Variants in TAFA1 observed in about 807,000 individuals in gnomAD.
TAFA1 encodes the protein TAFA chemokine like family member 1.
A neutral mutation model predicts 18.5 loss-of-function variants in TAFA1; 4 were observed. The ratio of observed to expected loss-of-function variants is 0.22; its 90% confidence interval spans 0.11 to 0.49. The LOEUF is 0.49. Among genes scored for constraint, TAFA1 ranks in the 20% least tolerant of loss-of-function variants. The pLI is 0.98. For missense variants in TAFA1, 147 were observed against 169.0 expected, an observed-to-expected ratio of 0.87 and a Z score of 0.72; for synonymous variants, 56 against 55.2, an observed-to-expected ratio of 1.01 and a Z score of -0.06.
At chr3:68,151,111 C>A (rs964311399) in intron 2 of TAFA1, among the ~76,000 whole-genome samples, 3 of 152,052 alleles carry the variant, frequency 2.0e-5, no homozygotes, top group Admixed American at 1.3e-4. Flanking sequence ...GCCACATAGA[C>A]TTATACCTCA....
chr3:68,251,307 C>A (rs1202666858), intron 2 of TAFA1, among the ~76,000 whole-genome samples: 2 of 152,128 alleles, frequency 1.3e-5, no homozygotes, highest in Non-Finnish European at 2.9e-5. Flanking sequence ...ATTTCCTATC[C>A]TTTTTAGCTA....
chr3:68,189,840 A>C (rs2066316218), intron 2 of TAFA1, among the ~76,000 whole-genome samples: 1 of 151,914 alleles, frequency 6.6e-6, no homozygotes, highest in East Asian at 1.9e-4. Flanking sequence ...GCTGCCGTTA[A>C]TATTGCTGTT....
chr3:68,081,749 G>A (rs1291063114), intron 2 of TAFA1, among the ~76,000 whole-genome samples: 6 of 152,330 alleles, frequency 3.9e-5, no homozygotes, highest in South Asian at 2.1e-4. Context: ...GTCTGCAGAG[G>A]TTACTGCTGT....
chr3:68,210,170 C>T (rs900654388), intron 2 of TAFA1, among the ~76,000 whole-genome samples: 11 of 151,896 alleles, frequency 7.2e-5, no homozygotes, highest in African/African-American at 1.4e-4. Flanking sequence ...ACCTTAGAAG[C>T]GTGATTCAGT....
chr3:68,164,662 G>GTGTGT (rs1461518869), intron 2 of TAFA1, among the ~76,000 whole-genome samples: 119 of 47,740 alleles, frequency 2.5e-3, no homozygotes, highest in Non-Finnish European at 4.2e-3. Flanking sequence ...TGTGTGTGTG[G>GTGTGT]GAGGTAGTTA....
chr3:68,145,330 T>TA (rs1464800483), intron 2 of TAFA1: 4 of 794,348 alleles, frequency 5.0e-6, no homozygotes, highest in Non-Finnish European at 7.0e-6. Flanking sequence ...TGGAAGCACT[T>TA]AGAGATGCAA....
chr3:68,453,764 A>G (rs993982684), intron 3 of TAFA1, among the ~76,000 whole-genome samples: 1 of 152,200 alleles, frequency 6.6e-6, no homozygotes, highest in African/African-American at 2.4e-5. Flanking sequence ...CTGGGATGTT[A>G]TTCATCAACG....
chr3:68,057,537 T>A (rs1398957025), intron 2 of TAFA1, among the ~76,000 whole-genome samples: 1 of 152,206 alleles, frequency 6.6e-6, no homozygotes, highest in African/African-American at 2.4e-5. Context: ...ATTGTAATTT[T>A]ATAACTTGGT....
chr3:68,210,418 T>C (rs1295193373), intron 2 of TAFA1, among the ~76,000 whole-genome samples: 1 of 151,992 alleles, frequency 6.6e-6, no homozygotes, highest in Non-Finnish European at 1.5e-5. Context: ...TGCTCATCCA[T>C]TAGGTAAAGT....
At chr3:68,194,153 C>T (rs569415790) in intron 2 of TAFA1, among the ~76,000 whole-genome samples, 1 of 151,668 alleles carries the variant, frequency 6.6e-6, no homozygotes, top group Non-Finnish European at 1.5e-5. Flanking sequence ...TCATTTCTGC[C>T]CACTGATCAA....
chr3:68,210,194 A>T (rs1323450336), intron 2 of TAFA1, among the ~76,000 whole-genome samples: 2 of 152,034 alleles, frequency 1.3e-5, no homozygotes, highest in Non-Finnish European at 2.9e-5. Flanking sequence ...CAAAACCTGA[A>T]GAAAATGAAA....
intron 2 of TAFA1, among the ~76,000 whole-genome samples, chr3:68,205,837 A>G (rs2066520488): frequency 6.6e-6 from 1 of 151,902 alleles, no homozygotes; most frequent in Non-Finnish European, 1.5e-5. Flanking sequence ...AAATATTTAC[A>G]TAAAAAAGGG....
intron 2 of TAFA1, among the ~76,000 whole-genome samples, chr3:68,329,257 G>A (rs2068826070): frequency 7.5e-6 from 1 of 132,528 alleles, no homozygotes; most frequent in East Asian, 2.3e-4. Flanking sequence ...TAGTAGAGAC[G>A]GGGTTTCACC....
At chr3:68,498,766 G>A (rs192701777) in intron 3 of TAFA1, among the ~76,000 whole-genome samples, 29 of 114,948 alleles carry the variant, frequency 2.5e-4, no homozygotes, top group African/African-American at 1.1e-3. Flanking sequence ...TTGAGAGAGA[G>A]AGAGAAAACT....
chr3:68,156,415 G>A lies in TAFA1; in HGVS notation c.118+149671G>A, dbSNP rs1206558626. Among the ~76,000 whole-genome samples the A allele has an allele frequency of 2.0e-5, 3 of 152,116 alleles. No homozygotes were observed. The East Asian group carries it at 5.8e-4, about 29-fold the overall frequency. Reference sequence around the variant, plus strand: ...GGTAGATGTTCTTGTTTGTCTGCTTGGTTGTTTTATTTTCTCCTGGGTCTG... The same window carrying A: ...GGTAGATGTTCTTGTTTGTCTGCTTAGTTGTTTTATTTTCTCCTGGGTCTG... On this transcript the variant is annotated intron_variant, in intron 2 of 4. Transcript: ENST00000478136.
At chr3:68,303,337 GC>G (rs1416402396) in intron 2 of TAFA1, among the ~76,000 whole-genome samples, 1 of 152,148 alleles carries the variant, frequency 6.6e-6, no homozygotes, top group Non-Finnish European at 1.5e-5. Context: ...CAAAGGAGGA[GC>G]TTTTGGTTGA....
chr3:68,255,670 T>A (rs1053695581), intron 2 of TAFA1, among the ~76,000 whole-genome samples: 6 of 152,086 alleles, frequency 3.9e-5, no homozygotes, highest in South Asian at 2.1e-4. Context: ...AGGGTTTTTT[T>A]TAATTTATTT....
chr3:68,398,581 A>G (rs1011698135), intron 2 of TAFA1, among the ~76,000 whole-genome samples: 7 of 152,280 alleles, frequency 4.6e-5, no homozygotes, highest in African/African-American at 1.2e-4. Flanking sequence ...GGCCTCCCCA[A>G]TTGCTTCAGA....
At chr3:68,359,935 C>G (rs1326623048) in intron 2 of TAFA1, among the ~76,000 whole-genome samples, 1 of 151,940 alleles carries the variant, frequency 6.6e-6, no homozygotes, top group Admixed American at 6.6e-5. Context: ...ATAAACTGAA[C>G]ACAAAAATAC....
Sources: gnomAD v4.1 joint callset for allele counts (sites outside exome capture counted in the v4.1 genomes callset) on GRCh38, gnomAD v4.1.1 for gene constraint, MANE v1.5 for transcripts, NCBI Gene and HGNC (gene_info 2026-07-23, HGNC 2026-07-21) for gene names.